TPD52L3: variants seen among roughly 807,000 people sequenced by gnomAD.
TPD52L3 encodes TPD52 like 3.
A neutral mutation model predicts 8.7 loss-of-function variants in TPD52L3; 12 were observed. That is an observed-to-expected ratio of 1.38 (90% CI 0.89 to 2.24). TPD52L3 has a LOEUF of 2.24. TPD52L3 is among the 30% of genes most tolerant of loss of function. The pLI is 0.00. For missense variants in TPD52L3, 207 were observed against 158.7 expected, an observed-to-expected ratio of 1.30 and a Z score of -1.64; for synonymous variants, 79 against 66.8, an observed-to-expected ratio of 1.18 and a Z score of -0.89.
intron 1 of TPD52L3, 59 bp downstream of exon 1, chr9:6,329,021 GTCTT>G: frequency 1.9e-6 from 3 of 1,612,942 alleles, no homozygotes; most frequent in Non-Finnish European, 2.5e-6. Flanking sequence ...GGCCCTGACT[GTCTT>G]TCTTCTGCGG....
chr9:6,329,942 A>G (rs1818113597), intron 1 of TPD52L3: 5 of 1,301,362 alleles, frequency 3.8e-6, no homozygotes, highest in Non-Finnish European at 4.9e-6. Flanking sequence ...TGTCTTTGCC[A>G]TAGCAGCACT....
chr9:6,328,540 CTT>C lies in TPD52L3; in HGVS notation c.-54_-53del. On this transcript the variant is annotated 5_prime_UTR_variant, in exon 1 of 2. Coordinates refer to ENST00000314556, the MANE Select transcript of TPD52L3 (RefSeq NM_001001874.3). The stretch of plus-strand genomic sequence containing the variant: ...TTCTCTGCAGCCCAATAATTCGACT[CTT>C]TCTACCAAGAATTGGACCTGGACTC... 3 of 1,565,926 alleles carry C rather than the reference CTT, an allele frequency of 1.9e-6. No individual in the cohort carries two copies.
chr9:6,328,653 G>GA lies in TPD52L3; in HGVS notation c.60dup (p.Leu21ThrfsTer18). 6.2e-7 allele frequency: 1 copy of GA among 1,614,130 alleles called. No individual in the cohort carries two copies. On this transcript the variant is annotated frameshift_variant, in exon 1 of 2. Coordinates refer to ENST00000314556, the MANE Select transcript of TPD52L3 (RefSeq NM_001001874.3). LOFTEE classifies it high-confidence loss of function. Reference sequence around the variant, plus strand: ...CACATATGAATCCCACTCGACTTCTGAACTGGAGGATCTGACAGAGCCCGA... The same window carrying GA: ...CACATATGAATCCCACTCGACTTCTGAAACTGGAGGATCTGACAGAGCCCGA...
chr9:6,330,602 C>A (rs1357574800), intron 1 of TPD52L3: 2 of 1,168,320 alleles, frequency 1.7e-6, no homozygotes, highest in Non-Finnish European at 2.1e-6. Flanking sequence ...CTCATGTATC[C>A]CAACCCTCCA....
intron 1 of TPD52L3, chr9:6,330,166 C>T (rs1440992475): frequency 6.2e-7 from 1 of 1,614,018 alleles, no homozygotes; most frequent in Admixed American, 1.7e-5. Flanking sequence ...AACTCCAAGT[C>T]TGCCCTTCTT....
rs1015699700 is a variant in TPD52L3 at position 6,331,485 on chromosome 9, T to C, written c.*466T>C. On this transcript the variant is annotated 3_prime_UTR_variant, in exon 2 of 2. Transcript: ENST00000314556. ...ACTGTGGCTAGAGAGGAAGGGGAAA[T>C]GGTGTTACATGAGTGAGGGAGGGGA... 1.3e-5 allele frequency: 2 copies of C among 152,596 alleles called. No individual in the cohort carries two copies. Among genetic ancestry groups the C allele is most frequent in the South Asian group, 4.1e-4 (2 of 4,826 alleles). The allele number at this position is 152,596 out of a possible 1,614,324, so 9.5% of individuals were successfully genotyped here.
intron 1 of TPD52L3, chr9:6,330,341 A>T (rs1406021194): frequency 6.7e-7 from 1 of 1,501,934 alleles, no homozygotes; most frequent in Non-Finnish European, 8.9e-7. Flanking sequence ...AAGATCTGGG[A>T]GCCTCTTTCA....
Position 6,328,717 on chromosome 9 carries a change from C to A in TPD52L3, c.122C>A (p.Ala41Asp). The A allele has an allele frequency of 2.5e-6, 4 of 1,614,140 alleles. No individual in the cohort carries two copies. The highest frequency in any genetic ancestry group is 3.4e-6 in the Non-Finnish European group (4 of 1,180,028). ...ELKTKLTKLE[A>D]EIVTLRHVLA... Reference sequence around the variant, plus strand: ...AAAACCAAACTCACTAAATTGGAGGCTGAAATTGTAACCCTACGCCACGTA... The same window carrying A: ...AAAACCAAACTCACTAAATTGGAGGATGAAATTGTAACCCTACGCCACGTA... Residue 41 changes from alanine to aspartate, a missense_variant, in exon 1 of 2, where the codon GCT becomes GAT. Ala to Asp is a moderately radical substitution (Grantham distance 126). Transcript: ENST00000314556.
At chr9:6,330,688 G>C (rs1387194574) in intron 1 of TPD52L3, 5 of 1,226,666 alleles carry the variant, frequency 4.1e-6, no homozygotes, top group African/African-American at 3.1e-5. Context: ...TTTTTAATTT[G>C]TTGTGTTTAT....
Position 6,331,852 on chromosome 9 carries a change from G to T in TPD52L3, c.*833G>T, listed in dbSNP as rs752274676. On this transcript the variant is annotated 3_prime_UTR_variant, in exon 2 of 2. Coordinates refer to ENST00000314556, the MANE Select transcript of TPD52L3 (RefSeq NM_001001874.3). ...TTGCTTTGGCTTTTTTGTATCAGTGGTCATGGGCACCAAATAAAATGCTTC... is the reference window on the plus strand; with the variant it reads ...TTGCTTTGGCTTTTTTGTATCAGTGTTCATGGGCACCAAATAAAATGCTTC... 6.6e-6 allele frequency: 1 copy of T among 152,134 alleles called. No individual in the cohort carries two copies. Among genetic ancestry groups the T allele is most frequent in the Non-Finnish European group, 1.5e-5 (1 of 68,024 alleles). The allele number at this position is 152,134 out of a possible 1,614,324, so 9.4% of individuals were successfully genotyped here. A position where few individuals can be genotyped will look rare whatever the true frequency, so the allele number is the denominator to read the frequency against.
chr9:6,330,923 A>T, intron 1 of TPD52L3, 53 bp from the exon 2 acceptor site: 1 of 1,600,996 alleles, frequency 6.2e-7, no homozygotes, highest in Non-Finnish European at 8.5e-7. Flanking sequence ...CCGTAAAAGT[A>T]GTAAAGTACA....
chr9:6,330,411 T>C (rs755697352), intron 1 of TPD52L3: 43 of 1,399,280 alleles, frequency 3.1e-5, no homozygotes, highest in Admixed American at 1.3e-4. Flanking sequence ...GGGCAGAGAC[T>C]AGGACCCTTA....
intron 1 of TPD52L3, 102 bp from the exon 2 acceptor site, chr9:6,330,874 T>C: frequency 6.5e-7 from 1 of 1,535,722 alleles, no homozygotes. Flanking sequence ...TTTAATAATT[T>C]CTACAACAGT....
intron 1 of TPD52L3, chr9:6,330,118 A>T (rs1818120090): frequency 6.2e-7 from 1 of 1,604,960 alleles, no homozygotes; most frequent in Non-Finnish European, 8.5e-7. Context: ...GCTGGCTGTT[A>T]TGCCTTTGAA....
chr9:6,329,678 G>A (rs1818105918), intron 1 of TPD52L3: 15 of 1,001,596 alleles, frequency 1.5e-5, no homozygotes, highest in Admixed American at 6.1e-5. Flanking sequence ...AGATGATCAA[G>A]AAAACTTCAT....
At position 6,331,702 on chromosome 9, in the gene TPD52L3, G is replaced by A. The variant is rs1489751524; in HGVS notation, c.*683G>A. The A allele has an allele frequency of 6.6e-6, 1 of 152,148 alleles. No individual in the cohort carries two copies. Among genetic ancestry groups the A allele is most frequent in the Non-Finnish European group, 1.5e-5 (1 of 68,038 alleles). 9.4% of individuals were successfully genotyped at this position (152,148 alleles called of 1,614,324 possible). A position where few individuals can be genotyped will look rare whatever the true frequency, so the allele number is the denominator to read the frequency against. On this transcript the variant is annotated 3_prime_UTR_variant, in exon 2 of 2. Transcript: ENST00000314556. ...GAGAAATAGATTAAGTATTTAAGAG[G>A]TAGAATCTCTCAGACTTAGGAACCA...
chr9:6,330,143 C>A (rs750597582), intron 1 of TPD52L3: 11 of 1,612,984 alleles, frequency 6.8e-6, no homozygotes, highest in Middle Eastern at 1.6e-4. Flanking sequence ...CCTAACTATA[C>A]ATCTTTGCTC....
Position 6,328,957 on chromosome 9 carries a change from T to C in TPD52L3, c.362T>C (p.Phe121Ser), listed in dbSNP as rs777857234. 8.7e-6 allele frequency: 14 copies of C among 1,614,062 alleles called. No individual in the cohort carries two copies. Among genetic ancestry groups the C allele is most frequent in the East Asian group, 2.2e-5 (1 of 44,888 alleles). Residue 121 changes from phenylalanine (F) to serine (S), a missense_variant, in exon 1 of 2, where the codon TTT (phenylalanine) becomes TCT (serine). Transcript: ENST00000314556. ...GVKKSATFRS[F>S]EGLIFNKYTL... is the part of the protein sequence containing the mutation. ...AAGAAGTCGGCCACATTCAGATCTT[T>C]TGAAGGTCTGATGGGGACAATCAAG...
In TPD52L3 at chr9:6,328,876, C is replaced by A; in HGVS notation, c.281C>A (p.Thr94Lys). 5 of 1,614,192 alleles carry A rather than the reference C, an allele frequency of 3.1e-6. No individual in the cohort carries two copies. The highest frequency in any genetic ancestry group is 4.2e-6 in the Non-Finnish European group (5 of 1,180,038). ...QVSNTYVKQK[T>K]SAALSTMGTL... ...TCCAACACCTATGTGAAACAGAAGA[C>A]ATCAGCTGCTCTGTCCACCATGGGC... Residue 94 changes from threonine (T) to lysine (K), a missense_variant, in exon 1 of 2, where the codon ACA becomes AAA. Physicochemically the swap from Thr to Lys is moderately conservative, Grantham distance 78. Transcript: ENST00000314556.
Sources: gnomAD v4.1 joint callset for allele counts on GRCh38, gnomAD v4.1.1 for gene constraint, MANE v1.5 for transcripts, NCBI Gene and HGNC (gene_info 2026-07-23, HGNC 2026-07-21) for gene names.